BBS9: variants seen among roughly 807,000 people sequenced by gnomAD.
BBS9 encodes protein PTHB1.
Under a neutral mutation model 117.7 loss-of-function variants are expected in BBS9, and 89 were observed. The observed-to-expected ratio is 0.76, with a 90% CI of 0.64 to 0.90. BBS9 has a LOEUF of 0.90. Among genes scored for constraint, BBS9 ranks in the 40% least tolerant of loss-of-function variants. BBS9 has a pLI of 0.00. For synonymous variants in BBS9, 379 were observed against 370.9 expected, an observed-to-expected ratio of 1.02 and a Z score of -0.25; for missense variants, 982 against 1,042.2, an observed-to-expected ratio of 0.94 and a Z score of 0.80.
intron 21 of BBS9, among the ~76,000 whole-genome samples, chr7:33,538,034 C>T (rs927303083): frequency 3.9e-5 from 6 of 152,160 alleles, no homozygotes; most frequent in African/African-American, 1.4e-4. Context: ...GTAGGCACCA[C>T]AGCAGGGCAG....
At position 33,303,529 on chromosome 7, in the gene BBS9, G is replaced by T. The variant is rs7804330; in HGVS notation, c.1016+29573G>T. On this transcript the variant is annotated intron_variant, in intron 9 of 22. Transcript: ENST00000242067. ...TCAACTGAAATGATCCCCTCCCCCC[G>T]CCCCTTCTTTCTTTGGTCTCCCTCT... is the stretch of plus-strand genomic sequence containing the variant. Among the ~76,000 whole-genome samples the T allele has an allele frequency of 8.3e-4, 83 of 100,326 alleles. 5 individuals are homozygous for T. The highest frequency in any genetic ancestry group is 5.4e-3 in the Admixed American group (43 of 7,980). The allele number at this position is 100,326 out of a possible 152,430, so 65.8% of individuals were successfully genotyped here. A position where few individuals can be genotyped will look rare whatever the true frequency, so the allele number is the denominator to read the frequency against.
Position 33,520,770 on chromosome 7 carries a change from C to T in BBS9, c.2299-13184C>T, listed in dbSNP as rs866024523. ...CTAATGACCACAGAGGAAAAGGCAGCCTTAAACTCAGGGTTCGTCTTTCTT... is the reference window on the plus strand; with the variant it reads ...CTAATGACCACAGAGGAAAAGGCAGTCTTAAACTCAGGGTTCGTCTTTCTT... On this transcript the variant is annotated intron_variant, in intron 20 of 22. Transcript: ENST00000242067. Among the ~76,000 whole-genome samples, 24 of 152,268 alleles carry T rather than the reference C, an allele frequency of 1.6e-4. No individual in the cohort carries two copies. The Middle Eastern group carries it at 0.027, about 173-fold the overall frequency.
At chr7:33,268,594 T>C (rs1799213480) in intron 7 of BBS9, among the ~76,000 whole-genome samples, 1 of 152,226 alleles carries the variant, frequency 6.6e-6, no homozygotes, top group Admixed American at 6.5e-5. Context: ...TTAGGTGGGA[T>C]GCTAAATCAT....
chr7:33,628,284 A>C, intron 21 of BBS9, among the ~76,000 whole-genome samples: 1 of 152,226 alleles, frequency 6.6e-6, no homozygotes, highest in Non-Finnish European at 1.5e-5. Context: ...TCATGAATAC[A>C]GATGCAAAAT....
chr7:33,166,666 C>T (rs990267987), intron 4 of BBS9, among the ~76,000 whole-genome samples: 1 of 152,204 alleles, frequency 6.6e-6, no homozygotes, highest in Admixed American at 6.5e-5. Flanking sequence ...ACCCACCTAG[C>T]CAGGCGTGGG....
At chr7:33,630,602 C>T (rs1197855947) in intron 21 of BBS9, among the ~76,000 whole-genome samples, 1 of 152,154 alleles carries the variant, frequency 6.6e-6, no homozygotes, top group African/African-American at 2.4e-5. Flanking sequence ...GTCAGGCAGC[C>T]AGTCCCCTGC....
intron 9 of BBS9, among the ~76,000 whole-genome samples, chr7:33,322,122 C>G (rs894195530): frequency 1.3e-5 from 2 of 151,820 alleles, no homozygotes; most frequent in African/African-American, 4.8e-5. Context: ...AGTTGCTTTA[C>G]TAGTATTTTG....
chr7:33,603,254 T>C (rs530019470), intron 21 of BBS9, among the ~76,000 whole-genome samples: 20 of 152,278 alleles, frequency 1.3e-4, no homozygotes, highest in African/African-American at 4.8e-4. Flanking sequence ...TTCTGCCTTT[T>C]TTTTTCAGGG....
chr7:33,247,972 G>C (rs1412682343), intron 5 of BBS9, among the ~76,000 whole-genome samples: 3 of 152,120 alleles, frequency 2.0e-5, no homozygotes. Context: ...TCACAGTTTA[G>C]GGGAAAAGAT....
chr7:33,480,932 A>C (rs1251472370), intron 19 of BBS9, among the ~76,000 whole-genome samples: 1 of 150,646 alleles, frequency 6.6e-6, no homozygotes, highest in East Asian at 2.0e-4. Context: ...CCAGCCCCCC[A>C]CAGCCATGTA....
At chr7:33,247,992 T>C (rs970384984) in intron 5 of BBS9, among the ~76,000 whole-genome samples, 9 of 152,184 alleles carry the variant, frequency 5.9e-5, no homozygotes, top group Admixed American at 1.3e-4. Context: ...TTGTGATAAA[T>C]AGCTTGACAG....
intron 21 of BBS9, among the ~76,000 whole-genome samples, chr7:33,569,589 TA>T (rs140184306): frequency 3.2e-3 from 447 of 140,252 alleles, no homozygotes; most frequent in Admixed American, 4.3e-3. Context: ...CATCTCTACT[TA>T]AAAAAAAAAA....
In BBS9 at chr7:33,164,967, C is replaced by T. The variant is rs111576107; in HGVS notation, c.328+9265C>T. ...GGCGTGTTTTTGCGGTGGCTGATAC[C>T]GGTCTTTCCTTTCCATGTTTAGTGC... is the stretch of plus-strand genomic sequence containing the variant. On this transcript the variant is annotated intron_variant, in intron 4 of 22. Transcript: ENST00000242067. Among the ~76,000 whole-genome samples, 8 of 152,062 alleles carry T rather than the reference C, an allele frequency of 5.3e-5. No homozygotes were observed. The South Asian group carries it at 6.2e-4, about 12-fold the overall frequency.
intron 21 of BBS9, among the ~76,000 whole-genome samples, chr7:33,629,092 C>T (rs1311741024): frequency 6.6e-6 from 1 of 152,184 alleles, no homozygotes; most frequent in Non-Finnish European, 1.5e-5. Flanking sequence ...TGTCCTTATC[C>T]AAGTCCTTAT....
At chr7:33,394,031 C>T (rs1395034082) in intron 19 of BBS9, among the ~76,000 whole-genome samples, 1 of 152,252 alleles carries the variant, frequency 6.6e-6, no homozygotes, top group Non-Finnish European at 1.5e-5. Context: ...CATCATACTC[C>T]ACTAGGAACA....
intron 4 of BBS9, among the ~76,000 whole-genome samples, chr7:33,172,190 C>T (rs977092186): frequency 6.6e-6 from 1 of 152,024 alleles, no homozygotes; most frequent in Non-Finnish European, 1.5e-5. Flanking sequence ...ATCATCCTGG[C>T]TAACACCGTG....
intron 19 of BBS9, chr7:33,390,210 A>G: frequency 1.0e-6 from 1 of 982,656 alleles, no homozygotes; most frequent in Middle Eastern, 5.2e-4. Flanking sequence ...TCAACCTTGT[A>G]TTTAATGATG....
chr7:33,153,805 G>C (rs1412015526), intron 3 of BBS9, among the ~76,000 whole-genome samples: 1 of 152,182 alleles, frequency 6.6e-6, no homozygotes, highest in Non-Finnish European at 1.5e-5. Flanking sequence ...CTGGATTGCG[G>C]AGATTTTGTG....
chr7:33,279,181 T>G (rs866421591), intron 9 of BBS9, among the ~76,000 whole-genome samples: 1 of 152,130 alleles, frequency 6.6e-6, no homozygotes, highest in African/African-American at 2.4e-5. Context: ...GGCATATGCC[T>G]CCTCCTGTCT....
Sources: gnomAD v4.1 joint callset for allele counts (sites outside exome capture counted in the v4.1 genomes callset) on GRCh38, gnomAD v4.1.1 for gene constraint, MANE v1.5 for transcripts, NCBI Gene and HGNC (gene_info 2026-07-23, HGNC 2026-07-21) for gene names.